Variants in VSIG10 observed in about 807,000 individuals in gnomAD.
The protein encoded by VSIG10 is V-set and immunoglobulin domain-containing protein 10.
A neutral mutation model predicts 58.7 loss-of-function variants in VSIG10; 48 were observed. That is an observed-to-expected ratio of 0.82 (90% confidence interval 0.65 to 1.04). The LOEUF is 1.04. Among genes scored for constraint, VSIG10 ranks in the 50% least tolerant of loss-of-function variants. The pLI is 0.00. For missense variants in VSIG10, 628 were observed against 670.0 expected (o/e 0.94, Z 0.69); for synonymous variants, 260 against 267.1 (o/e 0.97, Z 0.26).
rs557996809 is a variant in VSIG10, at chr12:118,082,681, C to CA, written c.362-253dup. 6.6e-4 allele frequency among the ~76,000 whole-genome samples: 101 copies of CA among 151,980 alleles called. 1 individual carries two copies. The highest frequency in any genetic ancestry group is 2.4e-3 in the African/African-American group (98 of 41,450). On this transcript the variant is annotated intron_variant, in intron 2 of 8. Coordinates refer to ENST00000359236, the MANE Select transcript of VSIG10 (RefSeq NM_019086.6). ...AAGTATACATTGCTCCTTTAAAAAA[C>CA]AAAAAACTGTAAGGGCTAGGCACAG...
intron 4 of VSIG10, among the ~76,000 whole-genome samples, chr12:118,075,547 G>A (rs926966951): frequency 6.6e-6 from 1 of 151,844 alleles, no homozygotes. Flanking sequence ...GTAGAAACAG[G>A]GTTTCACCAT....
intron 4 of VSIG10, among the ~76,000 whole-genome samples, chr12:118,074,926 GTAGA>G (rs1337891642): frequency 6.6e-6 from 1 of 152,124 alleles, no homozygotes. Context: ...AGAAGGCTGA[GTAGA>G]TATTTTGAGA....
intron 2 of VSIG10, among the ~76,000 whole-genome samples, chr12:118,094,320 TAAC>T (rs1393616821): frequency 2.6e-5 from 4 of 152,320 alleles, no homozygotes; most frequent in South Asian, 2.1e-4. Flanking sequence ...AAGATGATAT[TAAC>T]AACAAGCTAA....
intron 1 of VSIG10, among the ~76,000 whole-genome samples, chr12:118,097,124 T>G (rs1449933207): frequency 6.6e-6 from 1 of 152,162 alleles, no homozygotes; most frequent in Non-Finnish European, 1.5e-5. Flanking sequence ...AATAATGAAC[T>G]TGTAGTAGGT....
chr12:118,101,584 T>C lies in VSIG10; in HGVS notation c.79+2009A>G, dbSNP rs191786270. 8.5e-5 allele frequency: 13 copies of C among 152,302 alleles called. No homozygotes were observed. In the East Asian group the frequency reaches 2.3e-3, roughly 27 times the overall value. 9.4% of individuals were successfully genotyped at this position (152,302 alleles called of 1,614,324 possible). A position where few individuals can be genotyped will look rare whatever the true frequency, so the allele number is the denominator to read the frequency against. ...TAAACTCCCTGATGCTGCCCATGTA[T>C]TATTATTTACAGAGTAGGAGTTATA... is the stretch of plus-strand genomic sequence containing the variant. On this transcript the variant is annotated intron_variant, in intron 1 of 8. Coordinates refer to ENST00000359236, the MANE Select transcript of VSIG10 (RefSeq NM_019086.6).
intron 1 of VSIG10, among the ~76,000 whole-genome samples, chr12:118,097,328 A>G (rs533509531): frequency 6.6e-6 from 1 of 152,296 alleles, no homozygotes; most frequent in South Asian, 2.1e-4. Context: ...CAAAACTGCA[A>G]TGAGGCCGGG....
intron 2 of VSIG10, among the ~76,000 whole-genome samples, chr12:118,086,272 G>A (rs954905951): frequency 6.6e-6 from 1 of 151,886 alleles, no homozygotes; most frequent in African/African-American, 2.4e-5. Context: ...AGACCACCCT[G>A]GGCAATATGG....
intron 1 of VSIG10, among the ~76,000 whole-genome samples, chr12:118,098,440 C>T (rs533235733): frequency 1.3e-5 from 2 of 152,144 alleles, no homozygotes; most frequent in Admixed American, 6.6e-5. Context: ...CAAGTTCTCT[C>T]AGAAGCCCCA....
rs1391944484 is a variant in VSIG10, at chr12:118,065,116, T to C, written c.*1523A>G. Reference sequence around the variant, plus strand: ...GCAGGCTAAACTCATCACATGGTATTTTCATTCCAAATTTAGTGTTATTGA... The same window carrying C: ...GCAGGCTAAACTCATCACATGGTATCTTCATTCCAAATTTAGTGTTATTGA... On this transcript the variant is annotated 3_prime_UTR_variant, in exon 9 of 9. Coordinates refer to ENST00000359236, the MANE Select transcript of VSIG10 (RefSeq NM_019086.6). 2 of 152,230 alleles carry C rather than the reference T, an allele frequency of 1.3e-5. No homozygotes were observed. The highest frequency in any genetic ancestry group is 2.4e-5 in the African/African-American group (1 of 41,466). The allele number at this position is 152,230 out of a possible 1,614,324, so 9.4% of individuals were successfully genotyped here.
chr12:118,087,680 A>C (rs1428676462), intron 2 of VSIG10, among the ~76,000 whole-genome samples: 2 of 151,746 alleles, frequency 1.3e-5, no homozygotes, highest in East Asian at 3.9e-4. Context: ...CTACAAAAAA[A>C]CTAAAAAATT....
At chr12:118,069,586 C>A (rs150452535) in intron 7 of VSIG10, among the ~76,000 whole-genome samples, 2 of 151,930 alleles carry the variant, frequency 1.3e-5, no homozygotes, top group South Asian at 2.1e-4. Flanking sequence ...CCACTACATG[C>A]GGCTAATTTT....
chr12:118,081,772 T>C (rs936712808), intron 3 of VSIG10, among the ~76,000 whole-genome samples: 3 of 152,106 alleles, frequency 2.0e-5, no homozygotes, highest in Non-Finnish European at 4.4e-5. Context: ...ATCCCAGCAC[T>C]ATGGGAAGCC....
At chr12:118,071,572 G>T in intron 5 of VSIG10, 103 bp from the exon 6 acceptor site, 2 of 1,068,134 alleles carry the variant, frequency 1.9e-6, no homozygotes, top group Non-Finnish European at 2.9e-6. Context: ...CTTGATTCCT[G>T]ACCTTGGGTA....
At chr12:118,077,528 T>C (rs1225965481) in intron 4 of VSIG10, among the ~76,000 whole-genome samples, 2 of 152,176 alleles carry the variant, frequency 1.3e-5, no homozygotes, top group Non-Finnish European at 2.9e-5. Flanking sequence ...GGTTTTAATA[T>C]GTACAGACAT....
chr12:118,072,330 C>T (rs1450395308), intron 5 of VSIG10, among the ~76,000 whole-genome samples: 3 of 147,620 alleles, frequency 2.0e-5, no homozygotes, highest in South Asian at 2.1e-4. Context: ...CCGGGCACAG[C>T]GGCGGGCGCC....
At chr12:118,079,234 A>AGTCC in intron 4 of VSIG10, 112 bp downstream of exon 4, 1 of 1,417,952 alleles carries the variant, frequency 7.1e-7, no homozygotes, top group East Asian at 2.4e-5. Context: ...GAAGGAATTC[A>AGTCC]GTCCACCCTG....
intron 2 of VSIG10, among the ~76,000 whole-genome samples, chr12:118,093,684 G>A (rs1326201801): frequency 6.6e-6 from 1 of 152,048 alleles, no homozygotes; most frequent in Non-Finnish European, 1.5e-5. Context: ...GCCGAGGTGG[G>A]CAGATCACGA....
chr12:118,085,464 G>A (rs1007266857), intron 2 of VSIG10, among the ~76,000 whole-genome samples: 4 of 152,214 alleles, frequency 2.6e-5, no homozygotes, highest in Non-Finnish European at 5.9e-5. Context: ...GCCTGGCACT[G>A]TGTGCCATGA....
rs2032203525 is a variant in VSIG10 at position 118,065,110 on chromosome 12, T to C, written c.*1529A>G. 1.3e-5 allele frequency: 2 copies of C among 152,248 alleles called. No individual in the cohort carries two copies. 9.4% of individuals were successfully genotyped at this position (152,248 alleles called of 1,614,324 possible). A position where few individuals can be genotyped will look rare whatever the true frequency, so the allele number is the denominator to read the frequency against. Reference sequence around the variant, plus strand: ...GCATCAGCAGGCTAAACTCATCACATGGTATTTTCATTCCAAATTTAGTGT... The same window carrying C: ...GCATCAGCAGGCTAAACTCATCACACGGTATTTTCATTCCAAATTTAGTGT... On this transcript the variant is annotated 3_prime_UTR_variant, in exon 9 of 9. Transcript: ENST00000359236.
Sources: allele counts gnomAD v4.1 joint callset (sites outside exome capture counted in the v4.1 genomes callset), GRCh38; gene constraint gnomAD v4.1.1; transcripts MANE v1.5; gene names NCBI Gene and HGNC (gene_info 2026-07-23, HGNC 2026-07-21).